Variants in TRIP12 observed in about 807,000 individuals in gnomAD.
TRIP12 encodes E3 ubiquitin-protein ligase TRIP12.
TRIP12 carries 25 observed loss-of-function variants against 244.2 expected under a neutral mutation model. The observed-to-expected ratio is 0.10, with a 90% CI of 0.07 to 0.14. The LOEUF is 0.14. TRIP12 is among the 10% of genes least tolerant of loss of function. The pLI, the probability that TRIP12 is intolerant of heterozygous loss-of-function variation, is 1.00. For synonymous variants in TRIP12, 905 were observed against 873.1 expected, an observed-to-expected ratio of 1.04 and a Z score of -0.64; for missense variants, 1,677 against 2,486.4, an observed-to-expected ratio of 0.67 and a Z score of 6.92.
At position 229,851,529 on chromosome 2, in the gene TRIP12, C is replaced by T. The variant is rs188570202; in HGVS notation, c.1027+7243G>A. ...AGAGAATAAAAGCAGGCTGCCCGAG[C>T]CAGCAGTGGCAACCCGCTCGGGTCC... On this transcript the variant is annotated intron_variant, in intron 4 of 41. Transcript: ENST00000675903. Among the ~76,000 whole-genome samples the T allele has an allele frequency of 6.3e-4, 96 of 152,256 alleles. 1 individual carries two copies. The East Asian group carries it at 0.015, about 23-fold the overall frequency.
chr2:229,917,644 T>C (rs1293047085), intron 1 of TRIP12, among the ~76,000 whole-genome samples: 1 of 152,012 alleles, frequency 6.6e-6, no homozygotes, highest in Non-Finnish European at 1.5e-5. Flanking sequence ...AATGGCACGT[T>C]AGTCAGGGGA....
chr2:229,875,965 T>A (rs1270752184), intron 2 of TRIP12, among the ~76,000 whole-genome samples: 4 of 152,132 alleles, frequency 2.6e-5, no homozygotes, highest in Non-Finnish European at 4.4e-5. Flanking sequence ...AACAGTACAC[T>A]CTATAGGGGT....
At chr2:229,798,092 T>A (rs2043252671) in intron 23 of TRIP12, among the ~76,000 whole-genome samples, 1 of 152,232 alleles carries the variant, frequency 6.6e-6, no homozygotes. Context: ...TTTGGAACCC[T>A]GCAATATAAC....
At chr2:229,836,220 T>C (rs1195967970) in intron 6 of TRIP12, among the ~76,000 whole-genome samples, 5 of 152,254 alleles carry the variant, frequency 3.3e-5, no homozygotes, top group Admixed American at 1.3e-4. Flanking sequence ...TATAAGCCTA[T>C]AGTGATTGAT....
rs781109889 is a variant in TRIP12 at position 229,795,344 on chromosome 2, TAAAC to T, written c.3817-18_3817-15del. On this transcript the variant is annotated splice_polypyrimidine_tract_variant and intron_variant, in intron 25 of 41. Coordinates refer to ENST00000675903, the MANE Select transcript of TRIP12 (RefSeq NM_001348323.3). ...TTCTCCAGGAAGCTAAAGTTATAAA[TAAAC>T]AAACAGGTTAAACAAAGCCTTTTCA... 2.5e-5 allele frequency: 41 copies of T among 1,608,986 alleles called. No homozygotes were observed. In the East Asian group the frequency reaches 5.4e-4, roughly 21 times the overall value.
At chr2:229,799,985 A>T (rs763719750) in intron 21 of TRIP12, among the ~76,000 whole-genome samples, 2 of 152,248 alleles carry the variant, frequency 1.3e-5, no homozygotes, top group South Asian at 2.1e-4. Context: ...ATAGTAGTAT[A>T]TAAGTACATA....
intron 2 of TRIP12, among the ~76,000 whole-genome samples, chr2:229,867,199 T>G (rs565185028): frequency 1.7e-4 from 23 of 137,012 alleles, no homozygotes; most frequent in African/African-American, 5.3e-4. Flanking sequence ...AGATACTCAC[T>G]CTGTCACCCA....
intron 4 of TRIP12, among the ~76,000 whole-genome samples, chr2:229,855,127 C>T (rs1397955045): frequency 1.3e-5 from 2 of 152,112 alleles, no homozygotes; most frequent in Non-Finnish European, 2.9e-5. Flanking sequence ...ATTAGCCGGG[C>T]ATGGTGGCGC....
intron 2 of TRIP12, among the ~76,000 whole-genome samples, chr2:229,874,970 G>C (rs2063332745): frequency 6.6e-6 from 1 of 152,202 alleles, no homozygotes; most frequent in South Asian, 2.1e-4. Context: ...ATTGCCAAGA[G>C]GGAGGTGGTA....
chr2:229,766,577 T>C lies in TRIP12; in HGVS notation c.*977A>G, dbSNP rs1409728758. On this transcript the variant is annotated 3_prime_UTR_variant, in exon 42 of 42. Transcript: ENST00000675903. ...GAGGAGCGTGGAATAAAGAAGACTATGAACAAAAACGTAAAACAACAAAGG... is the reference window on the plus strand; with the variant it reads ...GAGGAGCGTGGAATAAAGAAGACTACGAACAAAAACGTAAAACAACAAAGG... The C allele has an allele frequency of 1.3e-5, 2 of 151,960 alleles. No individual in the cohort carries two copies. The highest frequency in any genetic ancestry group is 2.9e-5 in the Non-Finnish European group (2 of 68,002). 9.4% of individuals were successfully genotyped at this position (151,960 alleles called of 1,614,324 possible). A position where few individuals can be genotyped will look rare whatever the true frequency, so the allele number is the denominator to read the frequency against.
Position 229,805,716 on chromosome 2 carries a change from C to A in TRIP12, c.2650+14G>T. 1 of 1,560,174 alleles carries A rather than the reference C, an allele frequency of 6.4e-7. No individual in the cohort carries two copies. The highest frequency in any genetic ancestry group is 1.2e-5 in the South Asian group (1 of 85,482). ...ACAATAGTATAGTGCTATTTTAACT[C>A]AGAATGTACTTACTAGTGTTACTAT... On this transcript the variant is annotated intron_variant, in intron 18 of 41. Coordinates refer to ENST00000675903, the MANE Select transcript of TRIP12 (RefSeq NM_001348323.3).
chr2:229,889,168 G>A (rs480624), intron 1 of TRIP12, among the ~76,000 whole-genome samples: 8,157 of 152,320 alleles, frequency 0.054, 287 homozygotes, highest in Non-Finnish European at 0.089. Flanking sequence ...TCTGAGGCAT[G>A]AGAAGATGAC....
intron 1 of TRIP12, among the ~76,000 whole-genome samples, chr2:229,898,135 A>G (rs2069427425): frequency 6.6e-6 from 1 of 152,236 alleles, no homozygotes; most frequent in Non-Finnish European, 1.5e-5. Flanking sequence ...TGGTTTCCCT[A>G]AGGCCCAGCT....
intron 2 of TRIP12, among the ~76,000 whole-genome samples, chr2:229,869,891 G>T (rs980973164): frequency 6.6e-6 from 1 of 152,172 alleles, no homozygotes; most frequent in African/African-American, 2.4e-5. Flanking sequence ...TTCTCTGCCT[G>T]TCCATCTTCC....
intron 33 of TRIP12, among the ~76,000 whole-genome samples, chr2:229,787,218 TGA>T (rs763243747): frequency 6.6e-6 from 1 of 152,036 alleles, no homozygotes; most frequent in Non-Finnish European, 1.5e-5. Context: ...AAAGTTTCAG[TGA>T]GAGAAGACAA....
upstream of TRIP12, chr2:229,922,386 G>GC: frequency 1.2e-6 from 1 of 859,382 alleles, no homozygotes; most frequent in African/African-American, 1.7e-5. Context: ...GGGGACGATC[G>GC]CCCCAAGTTA....
chr2:229,908,576 C>T (rs144765519), intron 1 of TRIP12, among the ~76,000 whole-genome samples: 6,632 of 151,436 alleles, frequency 0.044, 186 homozygotes, highest in Middle Eastern at 0.13. Flanking sequence ...ATTAAAAATA[C>T]AAAAAATTAG....
At chr2:229,788,706 G>C (rs1054422756) in intron 32 of TRIP12, 92 bp downstream of exon 32, 3 of 1,467,678 alleles carry the variant, frequency 2.0e-6, no homozygotes, top group African/African-American at 2.8e-5. Context: ...CATTTGACTA[G>C]GTCCAGTAAA....
intron 6 of TRIP12, among the ~76,000 whole-genome samples, chr2:229,833,373 C>T (rs970741593): frequency 3.3e-5 from 5 of 152,106 alleles, no homozygotes; most frequent in Admixed American, 2.6e-4. Flanking sequence ...CTGCAACTTC[C>T]GCCTCCAGGG....
Sources: allele counts gnomAD v4.1 joint callset (sites outside exome capture counted in the v4.1 genomes callset), GRCh38; gene constraint gnomAD v4.1.1; transcripts MANE v1.5; gene names NCBI Gene and HGNC (gene_info 2026-07-23, HGNC 2026-07-21).